The following AUTS2 variants were observed in gnomAD, a reference collection of about 807,000 sequenced individuals.
The protein encoded by AUTS2 is autism susceptibility gene 2 protein.
A neutral mutation model predicts 112.4 loss-of-function variants in AUTS2; 17 were observed. That is an observed-to-expected ratio of 0.15 (90% CI 0.10 to 0.23). AUTS2 has a LOEUF of 0.23. AUTS2 is among the 10% of genes least tolerant of loss of function. AUTS2 has a pLI of 1.00. For synonymous variants in AUTS2, 751 were observed against 702.7 expected (o/e 1.07, Z -1.09); for missense variants, 1,510 against 1,701.6 (o/e 0.89, Z 1.98).
At chr7:70,675,561 C>G (rs1457715125) in intron 5 of AUTS2, among the ~76,000 whole-genome samples, 1 of 152,132 alleles carries the variant, frequency 6.6e-6, no homozygotes, top group Non-Finnish European at 1.5e-5. Flanking sequence ...AAAGCAGTAC[C>G]CTTTTCTTCT....
At chr7:69,757,414 A>G (rs76696943) in intron 1 of AUTS2, among the ~76,000 whole-genome samples, 2,196 of 152,292 alleles carry the variant, frequency 0.014, 29 homozygotes, top group Non-Finnish European at 0.02. Context: ...TTACATAACA[A>G]TCTGAATCCC....
chr7:69,994,674 C>T (rs754753765), intron 2 of AUTS2, among the ~76,000 whole-genome samples: 4 of 152,132 alleles, frequency 2.6e-5, no homozygotes, highest in Non-Finnish European at 5.9e-5. Context: ...CTTAACATTT[C>T]GGGTAACAGA....
chr7:70,535,476 G>T lies in AUTS2; in HGVS notation c.690+99695G>T, dbSNP rs371091419. On this transcript the variant is annotated intron_variant, in intron 5 of 18. Transcript: ENST00000342771. ...GTCGCCCAGGCTAGAGTGCAGTGGCGTGATCTCGGCTCACTGCAACCTCCG... is the reference window on the plus strand; with the variant it reads ...GTCGCCCAGGCTAGAGTGCAGTGGCTTGATCTCGGCTCACTGCAACCTCCG... 3.9e-5 allele frequency among the ~76,000 whole-genome samples: 6 copies of T among 152,084 alleles called. 1 individual carries two copies. The East Asian group carries it at 5.8e-4, about 15-fold the overall frequency.
chr7:69,645,211 A>C (rs1389317525), intron 1 of AUTS2, among the ~76,000 whole-genome samples: 2 of 151,958 alleles, frequency 1.3e-5, no homozygotes, highest in African/African-American at 4.8e-5. Flanking sequence ...TGTGCCTGGC[A>C]GAGTCTTGAA....
chr7:69,899,545 C>T, intron 2 of AUTS2, 47 bp downstream of exon 2: 1 of 1,570,972 alleles, frequency 6.4e-7, no homozygotes, highest in Non-Finnish European at 8.7e-7. Flanking sequence ...AAAATCCCTT[C>T]CTTAGGTGCT....
At chr7:70,207,100 A>G (rs1554337456) in intron 4 of AUTS2, among the ~76,000 whole-genome samples, 1 of 152,190 alleles carries the variant, frequency 6.6e-6, no homozygotes. Context: ...AGGTCCTTCA[A>G]ATAAGGTTTA....
intron 14 of AUTS2, among the ~76,000 whole-genome samples, chr7:70,777,457 C>T (rs1287585097): frequency 6.6e-6 from 1 of 152,046 alleles, no homozygotes; most frequent in Admixed American, 6.6e-5. Flanking sequence ...GTCTCCCAAG[C>T]AGCTGGGACT....
chr7:70,347,855 A>G (rs1791564289), intron 4 of AUTS2, among the ~76,000 whole-genome samples: 1 of 151,858 alleles, frequency 6.6e-6, no homozygotes, highest in Admixed American at 6.6e-5. Context: ...CCAGGAGATG[A>G]CTCCCTGGCC....
chr7:69,609,288 G>A (rs958077949), intron 1 of AUTS2, among the ~76,000 whole-genome samples: 2 of 152,186 alleles, frequency 1.3e-5, no homozygotes, highest in African/African-American at 4.8e-5. Flanking sequence ...GAGCACCCAT[G>A]ATTGTAAAGC....
intron 2 of AUTS2, among the ~76,000 whole-genome samples, chr7:70,010,898 G>T (rs1227876515): frequency 6.6e-6 from 1 of 152,200 alleles, no homozygotes; most frequent in Non-Finnish European, 1.5e-5. Context: ...GGAAAAGCTT[G>T]TAAGGGGATC....
intron 2 of AUTS2, among the ~76,000 whole-genome samples, chr7:70,090,320 A>T (rs900701891): frequency 6.6e-6 from 1 of 151,980 alleles, no homozygotes; most frequent in African/African-American, 2.4e-5. Flanking sequence ...ATTGTTATTG[A>T]TATTTAATTA....
chr7:69,940,193 C>T (rs1796570128), intron 2 of AUTS2, among the ~76,000 whole-genome samples: 1 of 152,328 alleles, frequency 6.6e-6, no homozygotes, highest in Non-Finnish European at 1.5e-5. Flanking sequence ...AGGCAGTTCT[C>T]AGAGCCTGCG....
At chr7:70,410,398 T>TTTTATTCATTTA (rs1554394750) in intron 4 of AUTS2, among the ~76,000 whole-genome samples, 1 of 140,766 alleles carries the variant, frequency 7.1e-6, no homozygotes, top group African/African-American at 2.6e-5. Flanking sequence ...AGGGTTTGTC[T>TTTTATTCATTTA]TTTATTTATT....
intron 1 of AUTS2, among the ~76,000 whole-genome samples, chr7:69,647,724 CTG>C (rs1795094558): frequency 6.6e-6 from 1 of 152,190 alleles, no homozygotes; most frequent in Non-Finnish European, 1.5e-5. Context: ...GTATCACAAA[CTG>C]AGTGGCTTAA....
intron 4 of AUTS2, among the ~76,000 whole-genome samples, chr7:70,218,470 G>A (rs1463315240): frequency 2.0e-5 from 3 of 152,154 alleles, no homozygotes; most frequent in South Asian, 2.1e-4. Flanking sequence ...GGTATGCACA[G>A]TAGAGAAAGC....
chr7:70,776,733 A>T (rs1310605523), intron 13 of AUTS2: 1 of 342,346 alleles, frequency 2.9e-6, no homozygotes, highest in Non-Finnish European at 5.5e-6. Context: ...TTTGCATTAT[A>T]GCATGGCAAC....
At chr7:69,619,815 G>A (rs906234222) in intron 1 of AUTS2, among the ~76,000 whole-genome samples, 8 of 152,150 alleles carry the variant, frequency 5.3e-5, no homozygotes, top group African/African-American at 1.2e-4. Flanking sequence ...CTGGGGATGT[G>A]GGGGAGAGGT....
chr7:70,461,168 C>A (rs1170191982), intron 5 of AUTS2, among the ~76,000 whole-genome samples: 1 of 151,888 alleles, frequency 6.6e-6, no homozygotes, highest in Non-Finnish European at 1.5e-5. Context: ...GGAAAAGTCA[C>A]CCTGAACAAC....
chr7:70,470,311 C>G (rs1252163576), intron 5 of AUTS2, among the ~76,000 whole-genome samples: 1 of 152,176 alleles, frequency 6.6e-6, no homozygotes, highest in Non-Finnish European at 1.5e-5. Flanking sequence ...ATCAGTGAAC[C>G]AGTTCTGGTG....
Sources: allele counts gnomAD v4.1 joint callset (sites outside exome capture counted in the v4.1 genomes callset), GRCh38; gene constraint gnomAD v4.1.1; transcripts MANE v1.5; gene names NCBI Gene and HGNC (gene_info 2026-07-23, HGNC 2026-07-21).